Variants in THBS3 observed in about 807,000 individuals in gnomAD.
THBS3 encodes thrombospondin-3.
A neutral mutation model predicts 118.3 loss-of-function variants in THBS3; 78 were observed. The observed-to-expected ratio is 0.66, with a 90% CI of 0.55 to 0.80. The LOEUF (loss-of-function observed/expected upper bound fraction) is 0.80, where lower values mean the gene tolerates loss of function less well. Ranked by LOEUF, THBS3 falls within the 30% of genes least tolerant of loss-of-function variation. THBS3 has a pLI of 0.00. For missense variants in THBS3, 1,057 were observed against 1,247.4 expected, an observed-to-expected ratio of 0.85 and a Z score of 2.30; for synonymous variants, 427 against 475.3, an observed-to-expected ratio of 0.90 and a Z score of 1.32.
At chr1:155,205,413 C>T in intron 2 of THBS3, 97 bp from the exon 3 acceptor site, 2 of 1,486,466 alleles carry the variant, frequency 1.3e-6, no homozygotes, top group East Asian at 2.3e-5. Context: ...ATCTCTAGGG[C>T]CCCTATCCCT....
intron 21 of THBS3, 190 bp downstream of exon 21, chr1:155,196,851 A>G: frequency 1.6e-6 from 1 of 607,196 alleles, no homozygotes. Context: ...CATTTTACAG[A>G]CGGGAAAATG....
chr1:155,201,007 A>C lies in THBS3; in HGVS notation c.1441-3T>G, dbSNP rs1289596210. 1 of 1,614,102 alleles carries C rather than the reference A, an allele frequency of 6.2e-7. No individual in the cohort carries two copies. Among genetic ancestry groups the C allele is most frequent in the Non-Finnish European group, 8.5e-7 (1 of 1,180,044 alleles). On this transcript the variant is annotated splice_polypyrimidine_tract_variant and splice_region_variant and intron_variant, in intron 12 of 22. Coordinates refer to ENST00000368378, the MANE Select transcript of THBS3 (RefSeq NM_007112.5). Reference sequence around the variant, plus strand: ...TTGGGTGTCAAAAGGCAGTTGTCCTAAAGTTCAGGGGAAGAGGATGGATGA... The same window carrying C: ...TTGGGTGTCAAAAGGCAGTTGTCCTCAAGTTCAGGGGAAGAGGATGGATGA...
Position 155,198,600 on chromosome 1 carries a change from T to A in THBS3, c.1883A>T (p.Asp628Val). ...GDVCDTNEDSDGDGHQDTKDN... is the reference protein window; with the variant it reads ...GDVCDTNEDSVGDGHQDTKDN... Reference sequence around the variant, plus strand: ...CTTGGTGTCCTGATGCCCATCCCCATCGCTAATCAGAAGAACAGGTACCAA... The same window carrying A: ...CTTGGTGTCCTGATGCCCATCCCCAACGCTAATCAGAAGAACAGGTACCAA... The change falls in exon 17 of 23, where the codon GAT becomes GTT. Residue 628 changes from aspartate to valine, a missense_variant and splice_region_variant. Coordinates refer to ENST00000368378, the MANE Select transcript of THBS3 (RefSeq NM_007112.5). The A allele has an allele frequency of 6.2e-7, 1 of 1,613,676 alleles. No individual in the cohort carries two copies. Among genetic ancestry groups the A allele is most frequent in the African/African-American group, 1.3e-5 (1 of 75,020 alleles).
chr1:155,207,979 G>A, upstream of THBS3: 1 of 701,646 alleles, frequency 1.4e-6, no homozygotes, highest in Non-Finnish European at 2.2e-6. Flanking sequence ...GAATTGGAGG[G>A]GGGGCCAGCA....
rs968072406 is a variant in THBS3 at position 155,201,273 on chromosome 1, T to G, written c.1330-69A>C. 9 of 1,602,502 alleles carry G rather than the reference T, an allele frequency of 5.6e-6. No individual in the cohort carries two copies. In the African/African-American group the frequency reaches 1.2e-4, roughly 21 times the overall value. On this transcript the variant is annotated intron_variant, in intron 11 of 22. Coordinates refer to ENST00000368378, the MANE Select transcript of THBS3 (RefSeq NM_007112.5). ...CCCCTCCTCCCTATATTTTCCCTGCTTCAGGTCCTATTCTCCCCACCAAAC... is the reference window on the plus strand; with the variant it reads ...CCCCTCCTCCCTATATTTTCCCTGCGTCAGGTCCTATTCTCCCCACCAAAC...
At chr1:155,207,958 G>C, upstream of THBS3, 1 of 1,186,092 alleles carries the variant, frequency 8.4e-7, no homozygotes, top group Non-Finnish European at 1.1e-6. Context: ...GAGCCGGGGG[G>C]CGGAGGGACA....
At position 155,195,843 on chromosome 1, in the gene THBS3, AC is replaced by A. The variant is rs1668567182; in HGVS notation, c.2868del (p.Ter957GlufsTer27). On this transcript the variant is annotated frameshift_variant, in exon 23 of 23. Transcript: ENST00000368378. LOFTEE classifies it high-confidence loss of function. ...PFRRQLLQGR[V>X] ...TTCTGAATCTGGTGGCCTCCTCCTC[AC>A]ACCCTTCCCTGGAGCAGCTGCCTCC... The A allele has an allele frequency of 6.2e-7, 1 of 1,613,728 alleles. No homozygotes were observed. The highest frequency in any genetic ancestry group is 8.5e-7 in the Non-Finnish European group (1 of 1,179,962).
upstream of THBS3, chr1:155,208,672 GC>G (rs895342363): frequency 9.1e-5 from 91 of 1,004,196 alleles, no homozygotes; most frequent in Admixed American, 1.2e-4. Flanking sequence ...GCGACAGCCT[GC>G]GAGCCTCTCT....
upstream of THBS3, chr1:155,208,680 C>T: frequency 9.3e-7 from 1 of 1,074,854 alleles, no homozygotes; most frequent in Non-Finnish European, 1.3e-6. Flanking sequence ...CTGCGAGCCT[C>T]TCTTCCCCTC....
Position 155,203,512 on chromosome 1 carries a change from C to A in THBS3, c.673+1G>T, listed in dbSNP as rs763918416. The A allele has an allele frequency of 1.9e-5, 30 of 1,613,566 alleles. No individual in the cohort carries two copies. Among genetic ancestry groups the A allele is most frequent in the Non-Finnish European group, 2.4e-5 (28 of 1,179,946 alleles). On this transcript the variant is annotated splice_donor_variant, in intron 5 of 22. Coordinates refer to ENST00000368378, the MANE Select transcript of THBS3 (RefSeq NM_007112.5). LOFTEE classifies it high-confidence loss of function. ...CTTCCGCTTCAGTGTGGCCTACTCA[C>A]CTAGAATGGAGTGCAGTGCATTGGT...
At chr1:155,201,762 A>G in intron 10 of THBS3, 193 bp from the exon 11 acceptor site, 1 of 1,013,376 alleles carries the variant, frequency 9.9e-7, no homozygotes, top group Non-Finnish European at 1.4e-6. Flanking sequence ...GCTGAGGCTC[A>G]GAAAAGTTAA....
chr1:155,197,206 G>C lies in THBS3; in HGVS notation c.2507C>G (p.Thr836Arg). The C allele has an allele frequency of 6.2e-7, 1 of 1,614,092 alleles. No individual in the cohort carries two copies. ...GTGCTCACCTGGGCCAGACACTGAT[G>C]TCACTGCCTAGGAGACATTGGCAAA... ...AQPGLQLKAV[T>R]SVSGPGEHLR... Residue 836 changes from threonine (T) to arginine (R), a missense_variant, in exon 21 of 23, where the codon ACA (threonine) becomes AGA (arginine). Thr to Arg is a moderately conservative substitution (Grantham distance 71). This residue lies in a region of THBS3 where 307 missense variants were observed against 326.1 expected (regional missense o/e 0.94). Coordinates refer to ENST00000368378, the MANE Select transcript of THBS3 (RefSeq NM_007112.5). The surrounding 1 kb of genome is among the most constrained non-coding windows in gnomAD (Gnocchi z 5.0).
At chr1:155,205,732 T>G (rs1670451890) in intron 2 of THBS3, among the ~76,000 whole-genome samples, 1 of 152,150 alleles carries the variant, frequency 6.6e-6, no homozygotes, top group African/African-American at 2.4e-5. Context: ...GAGCTGAGAT[T>G]GTACCACTGC....
chr1:155,199,816 G>T lies in THBS3; in HGVS notation c.1868C>A (p.Thr623Asn). 1 of 1,614,198 alleles carries T rather than the reference G, an allele frequency of 6.2e-7. No individual in the cohort carries two copies. Among genetic ancestry groups the T allele is most frequent in the Non-Finnish European group, 8.5e-7 (1 of 1,180,018 alleles). The change falls in exon 16 of 23, where the codon ACT (threonine) becomes AAT (asparagine). Residue 623 changes from threonine to asparagine, a missense_variant. Physicochemically the swap from Thr to Asn is moderately conservative, Grantham distance 65 (BLOSUM62 0). Transcript: ENST00000368378. ...DSDLVGDVCD[T>N]NEDSDGDGHQ... ...ACCAAGACCTTACCTGTCTTCATTA[G>T]TATCACAGACATCCCCCACCAGGTC...
At position 155,206,514 on chromosome 1, in the gene THBS3, A is replaced by C; in HGVS notation, c.80-108T>G. The C allele has an allele frequency of 1.0e-6, 1 of 981,716 alleles. No homozygotes were observed. Among genetic ancestry groups the C allele is most frequent in the Non-Finnish European group, 1.5e-6 (1 of 654,484 alleles). 60.8% of individuals were successfully genotyped at this position (981,716 alleles called of 1,614,324 possible). A position where few individuals can be genotyped will look rare whatever the true frequency, so the allele number is the denominator to read the frequency against. On this transcript the variant is annotated intron_variant, in intron 1 of 22. Transcript: ENST00000368378. This position sits in a 1 kb window ranked among gnomAD's most constrained non-coding sequence, Gnocchi z 4.2. Reference sequence around the variant, plus strand: ...CCCCCACCACCAGGCAGCGTTAGTCACCTCAAAATTCAACCCTTGGCTGGG... The same window carrying C: ...CCCCCACCACCAGGCAGCGTTAGTCCCCTCAAAATTCAACCCTTGGCTGGG...
chr1:155,197,666 TG>T lies in THBS3; in HGVS notation c.2303-8del. 6 of 564,414 alleles carry T rather than the reference TG, an allele frequency of 1.1e-5. No individual in the cohort carries two copies. The highest frequency in any genetic ancestry group is 3.5e-5 in the African/African-American group (1 of 28,744). The allele number at this position is 564,414 out of a possible 1,614,324, so 35.0% of individuals were successfully genotyped here. A position where few individuals can be genotyped will look rare whatever the true frequency, so the allele number is the denominator to read the frequency against. The stretch of plus-strand genomic sequence containing the variant: ...CCATTGAAGGCCGTGTATCCTGGGG[TG>T]GGGGTGGGATAAAGGTCAGGGGCAG... On this transcript the variant is annotated splice_polypyrimidine_tract_variant and splice_region_variant and intron_variant, in intron 19 of 22. Coordinates refer to ENST00000368378, the MANE Select transcript of THBS3 (RefSeq NM_007112.5). This position sits in a 1 kb window ranked among gnomAD's most constrained non-coding sequence, Gnocchi z 5.0.
At position 155,197,637 on chromosome 1, in the gene THBS3, C is replaced by T; in HGVS notation, c.2325G>A (p.Val775=). 1 of 1,525,356 alleles carries T rather than the reference C, an allele frequency of 6.6e-7. No individual in the cohort carries two copies. Among genetic ancestry groups the T allele is most frequent in the Non-Finnish European group, 9.1e-7 (1 of 1,100,496 alleles). 94.5% of individuals were successfully genotyped at this position (1,525,356 alleles called of 1,614,324 possible). Residue 775 remains valine, a synonymous_variant, in exon 20 of 23, where the codon GTG becomes GTA. Transcript: ENST00000368378. This position sits in a 1 kb window ranked among gnomAD's most constrained non-coding sequence, Gnocchi z 5.0. ...LAVGYTAFNG[V]DFEGTFHVNT... is the part of the protein sequence containing the mutation. ...TCACATGGAAGGTGCCTTCAAAGTC[C>T]ACACCATTGAAGGCCGTGTATCCTG...
At position 155,206,380 on chromosome 1, in the gene THBS3, A is replaced by C; in HGVS notation, c.106T>G (p.Ser36Ala). 6.2e-7 allele frequency: 1 copy of C among 1,614,058 alleles called. No individual in the cohort carries two copies. The highest frequency in any genetic ancestry group is 8.5e-7 in the Non-Finnish European group (1 of 1,180,006). Residue 36 changes from serine to alanine, a missense_variant, in exon 2 of 23, where the codon TCT (serine) becomes GCT (alanine). Ser to Ala is a moderately conservative substitution (Grantham distance 99). This residue lies in a region of THBS3 where 206 missense variants were observed against 205.7 expected (regional missense o/e 1.00). Transcript: ENST00000368378. This position sits in a 1 kb window ranked among gnomAD's most constrained non-coding sequence, Gnocchi z 4.2. ...QVIDLLTVGE[S>A]RQMVAVAEKI... ...TCTGCCACAGCTACCATCTGCCGAG[A>C]CTCGCCCACAGTCAGCAGGTCAATT...
intron 10 of THBS3, 165 bp from the exon 11 acceptor site, chr1:155,201,734 C>T: frequency 1.0e-6 from 1 of 988,972 alleles, no homozygotes; most frequent in Non-Finnish European, 1.5e-6. Flanking sequence ...ATAACAGCCT[C>T]AGTTTTCAGA....
Sources: gnomAD v4.1 joint callset for allele counts (sites outside exome capture counted in the v4.1 genomes callset) on GRCh38, gnomAD v4.1.1 for gene constraint, gnomAD v4.1.1 regional missense constraint, Gnocchi (gnomAD v3.1) non-coding constraint, MANE v1.5 for transcripts, NCBI Gene and HGNC (gene_info 2026-07-23, HGNC 2026-07-21) for gene names.